SYTL3: variants seen among roughly 807,000 people sequenced by gnomAD.
SYTL3 encodes synaptotagmin like 3.
A neutral mutation model predicts 82.1 loss-of-function variants in SYTL3; 88 were observed. The observed-to-expected ratio is 1.07, with a 90% CI of 0.90 to 1.28. The LOEUF (loss-of-function observed/expected upper bound fraction) is 1.28, where lower values mean the gene tolerates loss of function less well. Ranked by LOEUF, SYTL3 falls within the 50% of genes most tolerant of loss-of-function variation. The probability of loss-of-function intolerance (pLI) is 0.00; values close to 1 mark genes in which losing one functional copy is unlikely to be tolerated. For missense variants in SYTL3, 831 were observed against 757.6 expected (o/e 1.10, Z -1.14); for synonymous variants, 311 against 289.4 (o/e 1.07, Z -0.76).
intron 11 of SYTL3, among the ~76,000 whole-genome samples, chr6:158,738,372 C>G (rs1228895510): frequency 6.6e-6 from 1 of 152,158 alleles, no homozygotes; most frequent in East Asian, 1.9e-4. Context: ...TTGAAATTTC[C>G]CAATCCTCCT....
At chr6:158,724,188 TCTC>T (rs1270274080) in intron 10 of SYTL3, among the ~76,000 whole-genome samples, 5 of 152,162 alleles carry the variant, frequency 3.3e-5, no homozygotes, top group African/African-American at 1.2e-4. Flanking sequence ...CGTTTCATCT[TCTC>T]CTCTTTCTTC....
intron 13 of SYTL3, among the ~76,000 whole-genome samples, chr6:158,756,298 T>A (rs1789049091): frequency 6.6e-6 from 1 of 152,262 alleles, no homozygotes; most frequent in Non-Finnish European, 1.5e-5. Context: ...CGTGTTGGCC[T>A]CTGCCAAGCC....
chr6:158,672,270 G>A (rs1256564503), intron 5 of SYTL3, among the ~76,000 whole-genome samples: 5 of 152,164 alleles, frequency 3.3e-5, no homozygotes, highest in East Asian at 3.9e-4. Flanking sequence ...CAGCCTGGGC[G>A]ACAGAGCAAG....
chr6:158,674,098 A>AATAAT (rs1554244724), intron 5 of SYTL3, among the ~76,000 whole-genome samples: 4 of 139,206 alleles, frequency 2.9e-5, no homozygotes, highest in East Asian at 2.2e-4. Flanking sequence ...TAATAATAAT[A>AATAAT]ATAATAATAA....
chr6:158,739,085 A>G (rs1786586418), intron 11 of SYTL3, among the ~76,000 whole-genome samples: 1 of 152,102 alleles, frequency 6.6e-6, no homozygotes, highest in African/African-American at 2.4e-5. Flanking sequence ...CTGTACATTC[A>G]TATTTCAGCT....
At chr6:158,675,812 C>T (rs556367847) in intron 5 of SYTL3, among the ~76,000 whole-genome samples, 26 of 152,130 alleles carry the variant, frequency 1.7e-4, no homozygotes, top group Non-Finnish European at 2.2e-4. Context: ...TAGCCGGGCG[C>T]GGTGGTGGGC....
upstream of SYTL3, among the ~76,000 whole-genome samples, chr6:158,649,640 G>A (rs1437497819): frequency 6.6e-6 from 1 of 152,208 alleles, no homozygotes; most frequent in African/African-American, 2.4e-5. Flanking sequence ...TGGCCTGGCT[G>A]TCCCCCTTTC....
chr6:158,748,837 C>T (rs1267070470), intron 12 of SYTL3, among the ~76,000 whole-genome samples: 1 of 132,586 alleles, frequency 7.5e-6, no homozygotes, highest in Admixed American at 7.2e-5. Flanking sequence ...AAGAGCAAAA[C>T]TCCGCCTGAA....
chr6:158,719,555 A>G (rs78021989), intron 10 of SYTL3, among the ~76,000 whole-genome samples: 1,792 of 152,258 alleles, frequency 0.012, 45 homozygotes, highest in African/African-American at 0.04. Context: ...ACAGTTTGAA[A>G]TGTATTTGGC....
intron 8 of SYTL3, among the ~76,000 whole-genome samples, chr6:158,712,161 C>G (rs2128461519): frequency 6.6e-6 from 1 of 152,296 alleles, no homozygotes; most frequent in Non-Finnish European, 1.5e-5. Flanking sequence ...GCCAATCAGC[C>G]TGGGTTCTGA....
At chr6:158,692,905 C>T (rs1333839067) in intron 6 of SYTL3, among the ~76,000 whole-genome samples, 1 of 151,530 alleles carries the variant, frequency 6.6e-6, no homozygotes, top group African/African-American at 2.4e-5. Flanking sequence ...AAGCCGAGAT[C>T]GTGCCACTGC....
At chr6:158,702,966 A>C (rs1450268845) in intron 6 of SYTL3, among the ~76,000 whole-genome samples, 1 of 151,874 alleles carries the variant, frequency 6.6e-6, no homozygotes, top group African/African-American at 2.4e-5. Context: ...CATCCTGGCT[A>C]ATACGGTGAA....
At chr6:158,683,107 T>C in intron 6 of SYTL3, 118 bp downstream of exon 6, 1 of 687,624 alleles carries the variant, frequency 1.5e-6, no homozygotes, top group East Asian at 2.8e-5. Context: ...GGCCCCTATG[T>C]CTTGCCATTC....
chr6:158,664,819 G>A lies in SYTL3; in HGVS notation c.111-576G>A, dbSNP rs552840212. Among the ~76,000 whole-genome samples, 21 of 152,164 alleles carry A rather than the reference G, an allele frequency of 1.4e-4. No homozygotes were observed. In the East Asian group the frequency reaches 2.9e-3, roughly 21 times the overall value. The stretch of plus-strand genomic sequence containing the variant: ...GTATCACAGACATTCATAAAAGAGC[G>A]TGCTAGTAAATGACACCTTTTTGGT... On this transcript the variant is annotated intron_variant, in intron 4 of 17. Coordinates refer to ENST00000611299, the MANE Select transcript of SYTL3 (RefSeq NM_001242394.2).
At chr6:158,660,948 G>A (rs1789311891) in intron 2 of SYTL3, among the ~76,000 whole-genome samples, 1 of 152,096 alleles carries the variant, frequency 6.6e-6, no homozygotes, top group African/African-American at 2.4e-5. Context: ...CCAGCTACTC[G>A]GGAGGCGGAG....
At chr6:158,672,785 C>T (rs1777546454) in intron 5 of SYTL3, among the ~76,000 whole-genome samples, 1 of 152,042 alleles carries the variant, frequency 6.6e-6, no homozygotes. Context: ...GTGTGTGTTA[C>T]CACACCCAGC....
At chr6:158,659,346 T>A (rs1789083997) in intron 2 of SYTL3, among the ~76,000 whole-genome samples, 1 of 152,108 alleles carries the variant, frequency 6.6e-6, no homozygotes, top group African/African-American at 2.4e-5. Context: ...GAGTTGATCG[T>A]CTTAGTCTTT....
intron 5 of SYTL3, among the ~76,000 whole-genome samples, chr6:158,669,261 C>T (rs976990685): frequency 1.3e-5 from 2 of 152,198 alleles, no homozygotes; most frequent in African/African-American, 4.8e-5. Context: ...ACTAATTCCA[C>T]ATCTAAAAGA....
chr6:158,713,664 C>G (rs1783018741), intron 8 of SYTL3, 136 bp from the exon 9 acceptor site: 1 of 678,082 alleles, frequency 1.5e-6, no homozygotes, highest in South Asian at 1.7e-5. Context: ...TGCCCACCTG[C>G]ACCCCCAGCA....
Sources: gnomAD v4.1 joint callset for allele counts (sites outside exome capture counted in the v4.1 genomes callset) on GRCh38, gnomAD v4.1.1 for gene constraint, MANE v1.5 for transcripts, NCBI Gene and HGNC (gene_info 2026-07-23, HGNC 2026-07-21) for gene names.